Variants in AXDND1 observed in about 807,000 individuals in gnomAD.
The protein encoded by AXDND1 is axonemal dynein light chain domain-containing protein 1.
Under a neutral mutation model 137.5 loss-of-function variants are expected in AXDND1, and 110 were observed. The ratio of observed to expected loss-of-function variants is 0.80; its 90% CI spans 0.69 to 0.94. The LOEUF (loss-of-function observed/expected upper bound fraction) is 0.94. AXDND1 is among the 40% of genes least tolerant of loss of function. The pLI is 0.00. For missense variants in AXDND1, 1,191 were observed against 1,169.8 expected, an observed-to-expected ratio of 1.02 and a Z score of -0.26; for synonymous variants, 414 against 399.7, an observed-to-expected ratio of 1.04 and a Z score of -0.43.
chr1:179,394,451 G>A (rs1469883505), intron 10 of AXDND1, among the ~76,000 whole-genome samples: 4 of 152,048 alleles, frequency 2.6e-5, no homozygotes, highest in Admixed American at 1.3e-4. Flanking sequence ...TTAGACAGGC[G>A]TGGTGGCACA....
chr1:179,488,612 C>G (rs1188397185), intron 18 of AXDND1, among the ~76,000 whole-genome samples: 1 of 95,176 alleles, frequency 1.1e-5, no homozygotes, highest in Non-Finnish European at 2.2e-5. Flanking sequence ...CTTTTTCTTT[C>G]TTTCTTTCTC....
chr1:179,406,410 GT>G (rs1291841323), intron 11 of AXDND1, among the ~76,000 whole-genome samples: 1 of 152,108 alleles, frequency 6.6e-6, no homozygotes, highest in Non-Finnish European at 1.5e-5. Flanking sequence ...ATGTTTCTTT[GT>G]TAACTTTCTG....
chr1:179,519,302 A>G (rs1669841220), intron 21 of AXDND1, among the ~76,000 whole-genome samples: 2 of 152,182 alleles, frequency 1.3e-5, no homozygotes, highest in Non-Finnish European at 2.9e-5. Flanking sequence ...TCGGATACAT[A>G]GTTTGCAAAA....
chr1:179,387,188 C>G (rs12729623), intron 9 of AXDND1, among the ~76,000 whole-genome samples: 44,299 of 151,940 alleles, frequency 0.29, 6,659 homozygotes, highest in Non-Finnish European at 0.31. Context: ...CTTAGTCTGC[C>G]TTGTGCTGCT....
At chr1:179,493,638 A>G (rs755345821) in intron 20 of AXDND1, among the ~76,000 whole-genome samples, 7 of 152,328 alleles carry the variant, frequency 4.6e-5, no homozygotes, top group Non-Finnish European at 1.0e-4. Flanking sequence ...AATAAGCTCT[A>G]GTATTCATTA....
At chr1:179,415,171 A>G (rs1372352343) in intron 12 of AXDND1, among the ~76,000 whole-genome samples, 1 of 152,098 alleles carries the variant, frequency 6.6e-6, no homozygotes, top group Non-Finnish European at 1.5e-5. Flanking sequence ...GTGAAACCCC[A>G]TCTCTACTAA....
intron 20 of AXDND1, among the ~76,000 whole-genome samples, chr1:179,501,058 A>T (rs886631958): frequency 3.7e-4 from 56 of 152,370 alleles, no homozygotes; most frequent in African/African-American, 1.3e-3. Context: ...ACCAGGGATC[A>T]TATTGGACCA....
chr1:179,477,901 A>G (rs759818478), intron 17 of AXDND1, among the ~76,000 whole-genome samples: 1 of 152,206 alleles, frequency 6.6e-6, no homozygotes, highest in Non-Finnish European at 1.5e-5. Flanking sequence ...GGGTAAGTAC[A>G]GGCATTCCAA....
At chr1:179,442,580 A>G (rs558335148) in intron 15 of AXDND1, among the ~76,000 whole-genome samples, 2 of 152,200 alleles carry the variant, frequency 1.3e-5, no homozygotes, top group Admixed American at 1.3e-4. Flanking sequence ...GCAACTGTAC[A>G]TAATGTTTTT....
chr1:179,367,655 T>A (rs563107357), intron 2 of AXDND1, among the ~76,000 whole-genome samples: 1 of 152,316 alleles, frequency 6.6e-6, no homozygotes, highest in East Asian at 1.9e-4. Flanking sequence ...GAGAATCACT[T>A]GAACCCGGGA....
At chr1:179,482,701 TA>T (rs201977629) in intron 17 of AXDND1, among the ~76,000 whole-genome samples, 1 of 151,940 alleles carries the variant, frequency 6.6e-6, no homozygotes, top group Non-Finnish European at 1.5e-5. Context: ...GTGGTGTATT[TA>T]AAAAAATAAT....
rs1026544455 is a variant in AXDND1 at position 179,368,803 on chromosome 1, T to C, written c.101T>C (p.Leu34Pro). 6.2e-7 allele frequency: 1 copy of C among 1,606,878 alleles called. No homozygotes were observed. The highest frequency in any genetic ancestry group is 8.5e-7 in the Non-Finnish European group (1 of 1,177,616). Residue 34 changes from leucine to proline, a missense_variant, in exon 3 of 26, where the codon CTT becomes CCT. Physicochemically the swap from Leu to Pro is moderately conservative, Grantham distance 98 (BLOSUM62 -3). Transcript: ENST00000367618. ...VSVAKEGTRG[L>P]PELKEKKNMV... The stretch of plus-strand genomic sequence containing the variant: ...TTCTTTTCCACTACTTACTTAGGAC[T>C]TCCTGAGCTAAAGGAGAAAAAAAAT...
intron 2 of AXDND1, among the ~76,000 whole-genome samples, chr1:179,368,288 C>A (rs932172279): frequency 6.6e-6 from 1 of 152,168 alleles, no homozygotes; most frequent in Non-Finnish European, 1.5e-5. Context: ...CTCTCATTTG[C>A]AACAATCCCA....
Position 179,428,597 on chromosome 1 carries a change from A to G in AXDND1, c.1231-921A>G, listed in dbSNP as rs112308767. ...TCAAGAAATCAAAATTAGTTTCATT[A>G]TAATACTAAAATGTTGTTTGCCTTT... is the stretch of plus-strand genomic sequence containing the variant. On this transcript the variant is annotated intron_variant, in intron 12 of 25. Transcript: ENST00000367618. Among the ~76,000 whole-genome samples the G allele has an allele frequency of 3.8e-3, 585 of 152,380 alleles. 4 individuals are homozygous for G. Among genetic ancestry groups the G allele is most frequent in the African/African-American group, 0.013 (547 of 41,604 alleles).
intron 12 of AXDND1, among the ~76,000 whole-genome samples, chr1:179,417,348 T>C (rs777501249): frequency 2.0e-5 from 3 of 152,142 alleles, no homozygotes; most frequent in Non-Finnish European, 4.4e-5. Flanking sequence ...GTTTGTAGCT[T>C]GATGTAATTG....
At chr1:179,448,250 C>T in intron 16 of AXDND1, 1 of 788,084 alleles carries the variant, frequency 1.3e-6, no homozygotes, top group South Asian at 1.4e-5. Flanking sequence ...ATTCTGTATA[C>T]TTGAGAAGAA....
chr1:179,379,986 A>G lies in AXDND1; in HGVS notation c.581+504A>G, dbSNP rs374842564. Among the ~76,000 whole-genome samples, 4 of 152,048 alleles carry G rather than the reference A, an allele frequency of 2.6e-5. No individual in the cohort carries two copies. In the South Asian group the frequency reaches 8.3e-4, roughly 32 times the overall value. ...ACAAATTGGCAGGGCGCGGTGGCTC[A>G]CGCCTGTAATCCCAGCACTTTGGGA... On this transcript the variant is annotated intron_variant, in intron 6 of 25. Transcript: ENST00000367618.
intron 20 of AXDND1, among the ~76,000 whole-genome samples, chr1:179,497,265 G>T (rs1309989323): frequency 6.6e-6 from 1 of 152,104 alleles, no homozygotes; most frequent in African/African-American, 2.4e-5. Context: ...TCAGAGAGGA[G>T]TATTGAAACC....
chr1:179,447,765 T>C (rs1659948238), intron 16 of AXDND1: 1 of 1,344,056 alleles, frequency 7.4e-7, no homozygotes, highest in Admixed American at 1.7e-5. Context: ...GAGAAGCTCT[T>C]GAGTTTACAA....
Sources: gnomAD v4.1 joint callset for allele counts (sites outside exome capture counted in the v4.1 genomes callset) on GRCh38, gnomAD v4.1.1 for gene constraint, MANE v1.5 for transcripts, NCBI Gene and HGNC (gene_info 2026-07-23, HGNC 2026-07-21) for gene names.